Variants in THSD4 observed in about 807,000 individuals in gnomAD.
THSD4 encodes thrombospondin type-1 domain-containing protein 4.
Under a neutral mutation model 119.0 loss-of-function variants are expected in THSD4, and 69 were observed. That is an observed-to-expected ratio of 0.58 (90% CI 0.48 to 0.71). THSD4 has a LOEUF of 0.71. THSD4 is among the 30% of genes least tolerant of loss of function. The probability of loss-of-function intolerance (pLI) is 0.00; values close to 1 mark genes in which losing one functional copy is unlikely to be tolerated. For synonymous variants in THSD4, 524 were observed against 540.4 expected, an observed-to-expected ratio of 0.97 and a Z score of 0.42; for missense variants, 1,393 against 1,391.1, an observed-to-expected ratio of 1.00 and a Z score of -0.02.
intron 17 of THSD4, among the ~76,000 whole-genome samples, chr15:71,774,746 C>T (rs1454423120): frequency 6.6e-6 from 1 of 150,854 alleles, no homozygotes; most frequent in Non-Finnish European, 1.5e-5. Flanking sequence ...CACGGCACCT[C>T]AGCCTGAGCA....
At chr15:71,645,941 T>C (rs1011022690) in intron 7 of THSD4, among the ~76,000 whole-genome samples, 2 of 152,238 alleles carry the variant, frequency 1.3e-5, no homozygotes, top group Non-Finnish European at 1.5e-5. Context: ...TCCCTCCACC[T>C]GTCCAACACG....
chr15:71,539,244 T>C (rs994796500), intron 7 of THSD4, among the ~76,000 whole-genome samples: 4 of 152,254 alleles, frequency 2.6e-5, no homozygotes, highest in Non-Finnish European at 4.4e-5. Flanking sequence ...AGTTAATTAC[T>C]AACACCTGCT....
intron 7 of THSD4, among the ~76,000 whole-genome samples, chr15:71,635,431 G>A (rs7161829): frequency 0.7 from 106,053 of 151,970 alleles, 37,566 homozygotes; most frequent in Middle Eastern, 0.76. Flanking sequence ...AGCTATCTGG[G>A]GAAAGTAATC....
At chr15:71,653,171 T>A (rs997572837) in intron 7 of THSD4, among the ~76,000 whole-genome samples, 2 of 152,204 alleles carry the variant, frequency 1.3e-5, no homozygotes, top group African/African-American at 2.4e-5. Flanking sequence ...CAATACATAA[T>A]GATACTCCTG....
intron 6 of THSD4, among the ~76,000 whole-genome samples, chr15:71,307,538 G>A (rs1425862134): frequency 6.6e-6 from 1 of 152,212 alleles, no homozygotes; most frequent in African/African-American, 2.4e-5. Flanking sequence ...TTGGGAGGCT[G>A]AGGCAGGTAG....
chr15:71,737,953 G>T lies in THSD4; in HGVS notation c.1852G>T (p.Asp618Tyr), dbSNP rs368837786. 4 of 1,613,890 alleles carry T rather than the reference G, an allele frequency of 2.5e-6. No homozygotes were observed. In the African/African-American group the frequency reaches 4.0e-5, roughly 16 times the overall value. Residue 618 changes from aspartate (D) to tyrosine (Y), a missense_variant, in exon 11 of 18, where the codon GAT (aspartate) becomes TAT (tyrosine). Asp to Tyr is a radical substitution (Grantham distance 160). Transcript: ENST00000261862. ...PAPQPPRRSR[D>Y]HNWKQLGTTE... ...ACCGCAGCCCCCACGGCGCAGCCGG[G>T]ATCACAACTGGAAGCAGCTTGGGAC... is the stretch of plus-strand genomic sequence containing the variant.
intron 5 of THSD4, among the ~76,000 whole-genome samples, chr15:71,250,679 TTC>T (rs1211388637): frequency 6.6e-6 from 1 of 152,150 alleles, no homozygotes; most frequent in African/African-American, 2.4e-5. Flanking sequence ...GAAAAAAGAA[TTC>T]TTTTTTAGAT....
At chr15:71,729,395 A>G (rs181900033) in intron 9 of THSD4, 1 of 152,456 alleles carries the variant, frequency 6.6e-6, no homozygotes. Context: ...AAGACATAAA[A>G]GCTTGAAATA....
chr15:71,132,199 T>C (rs1256534086), intron 1 of THSD4, among the ~76,000 whole-genome samples: 1 of 152,234 alleles, frequency 6.6e-6, no homozygotes, highest in Non-Finnish European at 1.5e-5. Context: ...GTCATACCTT[T>C]TGGCTTAATG....
At chr15:71,428,227 G>T (rs1054340883) in intron 7 of THSD4, among the ~76,000 whole-genome samples, 8 of 152,178 alleles carry the variant, frequency 5.3e-5, no homozygotes, top group Non-Finnish European at 7.4e-5. Context: ...AATACTCATT[G>T]TATGCAAAGT....
intron 8 of THSD4, among the ~76,000 whole-genome samples, chr15:71,673,905 C>T (rs1280770918): frequency 2.1e-4 from 32 of 152,152 alleles, no homozygotes; most frequent in Admixed American, 2.1e-3. Flanking sequence ...TACAGGCGCC[C>T]ACCACCACGG....
intron 6 of THSD4, among the ~76,000 whole-genome samples, chr15:71,303,622 C>T (rs2044982415): frequency 6.6e-6 from 1 of 152,086 alleles, no homozygotes; most frequent in Non-Finnish European, 1.5e-5. Flanking sequence ...TTCCAGTTTT[C>T]CCAGCTTACT....
intron 7 of THSD4, among the ~76,000 whole-genome samples, chr15:71,648,548 G>A (rs529809310): frequency 2.0e-5 from 3 of 152,298 alleles, no homozygotes; most frequent in South Asian, 4.1e-4. Context: ...TGTTGTTAAT[G>A]AGAAAAGTTA....
intron 4 of THSD4, among the ~76,000 whole-genome samples, chr15:71,240,787 AT>A (rs2044145095): frequency 7.1e-6 from 1 of 141,656 alleles, no homozygotes; most frequent in Non-Finnish European, 1.5e-5. Context: ...CAAGTTTTAT[AT>A]ATATGTGTAT....
chr15:71,595,954 C>T (rs2049900047), intron 7 of THSD4, among the ~76,000 whole-genome samples: 2 of 152,202 alleles, frequency 1.3e-5, no homozygotes, highest in South Asian at 4.1e-4. Context: ...CAGTTTTTCG[C>T]TGGTGACCGT....
intron 7 of THSD4, among the ~76,000 whole-genome samples, chr15:71,543,751 G>A (rs1490389981): frequency 6.6e-6 from 1 of 152,178 alleles, no homozygotes; most frequent in Non-Finnish European, 1.5e-5. Flanking sequence ...ATGTGGGCCG[G>A]GTGTGGTGGC....
intron 7 of THSD4, among the ~76,000 whole-genome samples, chr15:71,640,942 C>T (rs1309723015): frequency 6.6e-6 from 1 of 151,762 alleles, no homozygotes; most frequent in Non-Finnish European, 1.5e-5. Context: ...TAACAAGTCA[C>T]CTGATGATTT....
At chr15:71,111,435 G>A (rs1362399711), upstream of THSD4, 1 of 1,588,620 alleles carries the variant, frequency 6.3e-7, no homozygotes, top group African/African-American at 1.3e-5. Context: ...TCCTGGAGGA[G>A]GAAGAAAAAG....
rs141362136 is a variant in THSD4, at chr15:71,195,920, T to C, written c.100-19115T>C. 2.2e-4 allele frequency among the ~76,000 whole-genome samples: 33 copies of C among 152,324 alleles called. No individual in the cohort carries two copies. The East Asian group carries it at 6.0e-3, about 28-fold the overall frequency. On this transcript the variant is annotated intron_variant, in intron 3 of 17. Transcript: ENST00000261862. ...CAATGAGGAAACTAAGGCTTATTCA[T>C]GTTGAATAACCACTGCATCCACCCA...
Sources: gnomAD v4.1 joint callset for allele counts (sites outside exome capture counted in the v4.1 genomes callset) on GRCh38, gnomAD v4.1.1 for gene constraint, MANE v1.5 for transcripts, NCBI Gene and HGNC (gene_info 2026-07-23, HGNC 2026-07-21) for gene names.